The following IL1RAP variants were observed in gnomAD, a reference collection of about 807,000 sequenced individuals.
IL1RAP encodes interleukin-1 receptor accessory protein.
A neutral mutation model predicts 60.7 loss-of-function variants in IL1RAP; 35 were observed. That is an observed-to-expected ratio of 0.58 (90% CI 0.44 to 0.76). The LOEUF (loss-of-function observed/expected upper bound fraction) is 0.76, where lower values mean the gene tolerates loss of function less well. Among genes scored for constraint, IL1RAP ranks in the 30% least tolerant of loss-of-function variants. IL1RAP has a pLI of 0.00. For missense variants in IL1RAP, 572 were observed against 693.9 expected, an observed-to-expected ratio of 0.82 and a Z score of 1.97; for synonymous variants, 268 against 250.9, an observed-to-expected ratio of 1.07 and a Z score of -0.64.
intron 3 of IL1RAP, among the ~76,000 whole-genome samples, chr3:190,596,226 G>A (rs921042384): frequency 1.1e-4 from 16 of 152,146 alleles, no homozygotes; most frequent in Non-Finnish European, 2.4e-4. Context: ...AGTGCTTTGC[G>A]CATAGCAGGT....
downstream of IL1RAP, among the ~76,000 whole-genome samples, chr3:190,653,288 T>C (rs532832693): frequency 7.2e-4 from 109 of 152,368 alleles, no homozygotes; most frequent in African/African-American, 2.5e-3. Flanking sequence ...AAGTGATTTA[T>C]GCAATGTGTA....
At chr3:190,524,745 G>A (rs1272912635) in intron 1 of IL1RAP, among the ~76,000 whole-genome samples, 10 of 152,120 alleles carry the variant, frequency 6.6e-5, no homozygotes, top group Non-Finnish European at 1.5e-4. Context: ...ACATAAATAA[G>A]TATATGGATA....
At chr3:190,645,196 C>T (rs114371137) in intron 10 of IL1RAP, among the ~76,000 whole-genome samples, 3,493 of 152,228 alleles carry the variant, frequency 0.023, 101 homozygotes, top group African/African-American at 0.061. Flanking sequence ...AACACGGAAT[C>T]GATAGTTTTT....
Position 190,650,382 on chromosome 3 carries a change from A to G in IL1RAP, c.*1677A>G. On this transcript the variant is annotated 3_prime_UTR_variant, in exon 12 of 12. Coordinates refer to ENST00000447382, the MANE Select transcript of IL1RAP (RefSeq NM_002182.4). ...AGCAGTAGCCAGCCATCGGGCATTAATTGATTTCCTACTATATTCCCAGCA... is the reference window on the plus strand; with the variant it reads ...AGCAGTAGCCAGCCATCGGGCATTAGTTGATTTCCTACTATATTCCCAGCA... 4.1e-6 allele frequency: 4 copies of G among 985,450 alleles called. No individual in the cohort carries two copies. Among genetic ancestry groups the G allele is most frequent in the Non-Finnish European group, 4.8e-6 (4 of 829,940 alleles). 61.0% of individuals were successfully genotyped at this position (985,450 alleles called of 1,614,324 possible). A position where few individuals can be genotyped will look rare whatever the true frequency, so the allele number is the denominator to read the frequency against.
chr3:190,607,888 A>T (rs2108761296), intron 4 of IL1RAP, among the ~76,000 whole-genome samples: 1 of 152,050 alleles, frequency 6.6e-6, no homozygotes, highest in East Asian at 1.9e-4. Flanking sequence ...CATTTTGACT[A>T]TTTGCTGTCT....
chr3:190,653,921 C>T (rs1734511695), downstream of IL1RAP, among the ~76,000 whole-genome samples: 1 of 151,978 alleles, frequency 6.6e-6, no homozygotes, highest in East Asian at 1.9e-4. Flanking sequence ...TCGGTATAGC[C>T]CAGGACCTTT....
chr3:190,578,713 G>A (rs1269651464), intron 3 of IL1RAP, among the ~76,000 whole-genome samples: 2 of 152,230 alleles, frequency 1.3e-5, no homozygotes, highest in African/African-American at 4.8e-5. Context: ...TATAAAGCAA[G>A]AGAGGTTTAA....
intron 1 of IL1RAP, among the ~76,000 whole-genome samples, chr3:190,526,898 G>A (rs1722557689): frequency 6.6e-6 from 1 of 152,206 alleles, no homozygotes; most frequent in Non-Finnish European, 1.5e-5. Context: ...CTGGCATCCT[G>A]CCCTCAGCAG....
intron 1 of IL1RAP, among the ~76,000 whole-genome samples, chr3:190,520,766 G>A (rs138436298): frequency 6.6e-6 from 1 of 152,122 alleles, no homozygotes; most frequent in Non-Finnish European, 1.5e-5. Flanking sequence ...TACCTTTCTG[G>A]CACAAAAGTC....
At chr3:190,611,765 G>T (rs918663241) in intron 5 of IL1RAP, among the ~76,000 whole-genome samples, 2 of 152,048 alleles carry the variant, frequency 1.3e-5, no homozygotes, top group African/African-American at 2.4e-5. Context: ...GTTTTGCATG[G>T]TTTTTTTGTA....
intron 5 of IL1RAP, among the ~76,000 whole-genome samples, chr3:190,612,022 G>A (rs1730866058): frequency 6.6e-6 from 1 of 152,108 alleles, no homozygotes; most frequent in Admixed American, 6.5e-5. Flanking sequence ...TTTTAAACTT[G>A]ATAATGGTAC....
intron 9 of IL1RAP, among the ~76,000 whole-genome samples, chr3:190,634,136 G>A (rs937135605): frequency 1.3e-5 from 2 of 152,092 alleles, no homozygotes; most frequent in East Asian, 1.9e-4. Flanking sequence ...ATCTGTCAGT[G>A]TGATGATTTA....
intron 9 of IL1RAP, chr3:190,630,310 T>C: frequency 1.8e-6 from 1 of 540,652 alleles, no homozygotes; most frequent in Non-Finnish European, 2.4e-6. Flanking sequence ...AAACTTTCTT[T>C]GTGTCTCTCA....
intron 2 of IL1RAP, among the ~76,000 whole-genome samples, chr3:190,561,352 G>A (rs13325724): frequency 0.02 from 3,091 of 152,260 alleles, 107 homozygotes; most frequent in African/African-American, 0.066. Flanking sequence ...AAACCAGCCT[G>A]TTCAATCACG....
chr3:190,615,806 A>G (rs968401832), intron 5 of IL1RAP, among the ~76,000 whole-genome samples: 1 of 152,166 alleles, frequency 6.6e-6, no homozygotes, highest in Non-Finnish European at 1.5e-5. Flanking sequence ...AGGAAAGAAC[A>G]TTTCTGAAAA....
At chr3:190,559,305 A>G (rs777243947) in intron 2 of IL1RAP, among the ~76,000 whole-genome samples, 43 of 152,064 alleles carry the variant, frequency 2.8e-4, no homozygotes, top group South Asian at 1.2e-3. Context: ...CTTGAGGTTT[A>G]TGTTTTATTG....
chr3:190,576,529 CA>C (rs1727464648), intron 3 of IL1RAP, among the ~76,000 whole-genome samples: 1 of 152,028 alleles, frequency 6.6e-6, no homozygotes, highest in South Asian at 2.1e-4. Flanking sequence ...CAAACTAAAC[CA>C]ACATGCGATG....
intron 3 of IL1RAP, among the ~76,000 whole-genome samples, chr3:190,585,419 CAT>C (rs1728368004): frequency 2.0e-5 from 3 of 152,204 alleles, no homozygotes; most frequent in African/African-American, 7.2e-5. Context: ...ATGCTTGACA[CAT>C]GTGGAGTTGC....
At chr3:190,549,397 G>A (rs1473984079) in intron 1 of IL1RAP, among the ~76,000 whole-genome samples, 1 of 151,896 alleles carries the variant, frequency 6.6e-6, no homozygotes, top group Admixed American at 6.5e-5. Flanking sequence ...GCTTCCTGCT[G>A]ACAGGGGGTG....
Sources: allele counts gnomAD v4.1 joint callset (sites outside exome capture counted in the v4.1 genomes callset), GRCh38; gene constraint gnomAD v4.1.1; transcripts MANE v1.5; gene names NCBI Gene and HGNC (gene_info 2026-07-23, HGNC 2026-07-21).